Variants in WHRN observed in about 807,000 individuals in gnomAD.
WHRN encodes CASK-interacting protein CIP98.
Under a neutral mutation model 68.3 loss-of-function variants are expected in WHRN, and 41 were observed. The ratio of observed to expected loss-of-function variants is 0.60; its 90% CI spans 0.47 to 0.78. WHRN has a LOEUF of 0.78. Among genes scored for constraint, WHRN ranks in the 30% least tolerant of loss-of-function variants. The pLI is 0.00. For missense variants in WHRN, 1,243 were observed against 1,244.7 expected, an observed-to-expected ratio of 1.00 and a Z score of 0.02; for synonymous variants, 560 against 561.3, an observed-to-expected ratio of 1.00 and a Z score of 0.03.
intron 2 of WHRN, among the ~76,000 whole-genome samples, chr9:114,478,069 C>A (rs527813818): frequency 6.6e-6 from 1 of 152,140 alleles, no homozygotes; most frequent in African/African-American, 2.4e-5. Flanking sequence ...AACTGTCCCC[C>A]AGATGAGACT....
At chr9:114,503,183 A>G (rs1844081342) in intron 1 of WHRN, 2 of 985,456 alleles carry the variant, frequency 2.0e-6, no homozygotes, top group African/African-American at 1.7e-5. Context: ...CCCAGCAGCC[A>G]GCAGGCCCTC....
intron 7 of WHRN, among the ~76,000 whole-genome samples, chr9:114,418,378 C>A (rs1015907031): frequency 1.3e-5 from 2 of 152,186 alleles, no homozygotes; most frequent in African/African-American, 4.8e-5. Flanking sequence ...AACCCATCAT[C>A]ACATCTTTAG....
chr9:114,459,135 C>T (rs7041286), intron 3 of WHRN, among the ~76,000 whole-genome samples: 113,479 of 152,034 alleles, frequency 0.75, 42,560 homozygotes, highest in East Asian at 0.97. Context: ...GAGACATTCA[C>T]TAAACAAGTG....
chr9:114,486,976 TATATATATATA>T (rs1564218001), intron 1 of WHRN, among the ~76,000 whole-genome samples: 1 of 2,302 alleles, frequency 4.3e-4, no homozygotes, highest in African/African-American at 5.4e-4. Flanking sequence ...TATATATATA[TATATATATATA>T]TATATATATA....
chr9:114,468,043 C>T (rs1840876534), intron 2 of WHRN, among the ~76,000 whole-genome samples: 1 of 152,180 alleles, frequency 6.6e-6, no homozygotes, highest in Admixed American at 6.5e-5. Flanking sequence ...CCACCTTGGG[C>T]AGAGGTGGTG....
chr9:114,481,487 C>T (rs918945559), intron 1 of WHRN, among the ~76,000 whole-genome samples: 1 of 152,168 alleles, frequency 6.6e-6, no homozygotes, highest in Non-Finnish European at 1.5e-5. Flanking sequence ...AAGTGGGCTT[C>T]CCCCAGAGCA....
At chr9:114,417,411 G>A (rs1009925207) in intron 7 of WHRN, among the ~76,000 whole-genome samples, 1 of 152,234 alleles carries the variant, frequency 6.6e-6, no homozygotes, top group Non-Finnish European at 1.5e-5. Context: ...TGTGGGAGGC[G>A]AATGTTTAGA....
rs1246717245 is a variant in WHRN, at chr9:114,411,426, G to GC, written c.1627-3409dup. ...TCTGCCACATTCAGGTGGAGCCACT[G>GC]CCCCCTGCCCCAGGAATTCAACCTG... On this transcript the variant is annotated intron_variant, in intron 7 of 11. Transcript: ENST00000362057. 2.6e-5 allele frequency among the ~76,000 whole-genome samples: 4 copies of GC among 152,162 alleles called. No individual in the cohort carries two copies. In the South Asian group the frequency reaches 8.3e-4, roughly 32 times the overall value.
chr9:114,492,971 C>T (rs927116234), intron 1 of WHRN, among the ~76,000 whole-genome samples: 17 of 152,130 alleles, frequency 1.1e-4, no homozygotes, highest in African/African-American at 2.7e-4. Flanking sequence ...GAGCCAGGAT[C>T]GCATCACAGC....
In WHRN at chr9:114,406,622, C is replaced by G. The variant is rs758733083; in HGVS notation, c.1969G>C (p.Ala657Pro). ...SSPIYASVSPANPSSKRPLDA... is the reference protein window; with the variant it reads ...SSPIYASVSPPNPSSKRPLDA... ...AGCGGCCTCTTGGAGCTGGGGTTGG[C>G]AGGGGAGACGGAGGCATAGATGGGG... is the stretch of plus-strand genomic sequence containing the variant. Residue 657 changes from alanine (A) to proline (P), a missense_variant, in exon 9 of 12, where the codon GCC (alanine) becomes CCC (proline). Transcript: ENST00000362057. 3 of 1,611,254 alleles carry G rather than the reference C, an allele frequency of 1.9e-6. No homozygotes were observed. The East Asian group carries it at 6.7e-5, about 36-fold the overall frequency.
In WHRN at chr9:114,504,602, G is replaced by C; in HGVS notation, c.200C>G (p.Ala67Gly). The change falls in exon 1 of 12, where the codon GCG becomes GGG. Residue 67 changes from alanine (A) to glycine (G), a missense_variant. Transcript: ENST00000362057. The stretch of plus-strand genomic sequence containing the variant: ...CACCAGGTCGAAGACGTTGCGGCGC[G>C]CGTGGTAAGCGTTCAGGCAGTGGGT... ...QFTHCLNAYHARRNVFDLVRT... is the reference protein window; with the variant it reads ...QFTHCLNAYHGRRNVFDLVRT... The C allele has an allele frequency of 6.2e-7, 1 of 1,611,212 alleles. No homozygotes were observed. Among genetic ancestry groups the C allele is most frequent in the Non-Finnish European group, 8.5e-7 (1 of 1,179,498 alleles).
At chr9:114,429,785 C>T (rs981781145) in intron 3 of WHRN, among the ~76,000 whole-genome samples, 9 of 152,202 alleles carry the variant, frequency 5.9e-5, no homozygotes, top group East Asian at 3.9e-4. Flanking sequence ...AGCTGGCTTT[C>T]GCTGATGCTA....
At chr9:114,473,049 C>T (rs78540427) in intron 2 of WHRN, among the ~76,000 whole-genome samples, 1 of 152,198 alleles carries the variant, frequency 6.6e-6, no homozygotes, top group East Asian at 1.9e-4. Context: ...AGCCGAAGGG[C>T]AGGTCCCATC....
At chr9:114,423,630 C>T (rs1589105229) in intron 6 of WHRN, 107 bp from the exon 7 acceptor site, 1 of 1,100,958 alleles carries the variant, frequency 9.1e-7, no homozygotes, top group East Asian at 2.5e-5. Flanking sequence ...CCCTGCCTCC[C>T]CTCCTTAACT....
In WHRN at chr9:114,478,711, C is replaced by T; in HGVS notation, c.679G>A (p.Gly227Ser). The change falls in exon 2 of 12, where the codon GGC (glycine) becomes AGC (serine). Residue 227 changes from glycine to serine, a missense_variant. By Grantham distance (56) the Gly-to-Ser change is moderately conservative. Transcript: ENST00000362057. ...GTGTAGATGTGGTTGGTGACGTAGC[C>T]CCCAGGGATGCGCCCTGCTGAGTAC... The part of the protein sequence containing the change: ...SVYSAGRIPG[G>S]YVTNHIYTWV... The T allele has an allele frequency of 6.2e-7, 1 of 1,612,540 alleles. No individual in the cohort carries two copies. The highest frequency in any genetic ancestry group is 8.5e-7 in the Non-Finnish European group (1 of 1,179,934).
chr9:114,439,244 T>C (rs1838160231), intron 3 of WHRN, among the ~76,000 whole-genome samples: 1 of 152,172 alleles, frequency 6.6e-6, no homozygotes, highest in Non-Finnish European at 1.5e-5. Flanking sequence ...TCAATAAAGA[T>C]GGGGGAAACC....
chr9:114,406,701 TG>T lies in WHRN; in HGVS notation c.1889del (p.Pro630GlnfsTer60), dbSNP rs1298129768. On this transcript the variant is annotated frameshift_variant, in exon 9 of 12. Transcript: ENST00000362057. LOFTEE classifies it high-confidence loss of function. Reference sequence around the variant, plus strand: ...TCCCTGGGGTGGGTGCGGTGCCCGCTGGCGGGCTGCGGTTCTGTGGAGCCGA... The same window carrying T: ...TCCCTGGGGTGGGTGCGGTGCCCGCTGCGGGCTGCGGTTCTGTGGAGCCGA... ...VFSAPQNRSPPAGTAPTPGTS... is the reference protein window; with the variant it reads ...VFSAPQNRSPXAGTAPTPGTS... The T allele has an allele frequency of 6.2e-7, 1 of 1,613,928 alleles. No homozygotes were observed. Among genetic ancestry groups the T allele is most frequent in the East Asian group, 2.2e-5 (1 of 44,892 alleles).
intron 7 of WHRN, among the ~76,000 whole-genome samples, chr9:114,415,815 G>A (rs933286129): frequency 6.6e-6 from 1 of 152,190 alleles, no homozygotes; most frequent in African/African-American, 2.4e-5. Context: ...GCTCATGGAT[G>A]GAGAACGATT....
At chr9:114,461,066 A>G (rs1371130417) in intron 3 of WHRN, among the ~76,000 whole-genome samples, 1 of 152,236 alleles carries the variant, frequency 6.6e-6, no homozygotes, top group Non-Finnish European at 1.5e-5. Context: ...GAAGATAGAA[A>G]GGACTTTACT....
Sources: allele counts gnomAD v4.1 joint callset (sites outside exome capture counted in the v4.1 genomes callset), GRCh38; gene constraint gnomAD v4.1.1; transcripts MANE v1.5; gene names NCBI Gene and HGNC (gene_info 2026-07-23, HGNC 2026-07-21).